The following CFAP20DC variants were observed in gnomAD, a reference collection of about 807,000 sequenced individuals.
The protein encoded by CFAP20DC is protein CFAP20DC.
A neutral mutation model predicts 101.7 loss-of-function variants in CFAP20DC; 84 were observed. That is an observed-to-expected ratio of 0.83 (90% confidence interval 0.69 to 0.99). CFAP20DC has a LOEUF of 0.99. CFAP20DC is among the 50% of genes least tolerant of loss of function. CFAP20DC has a pLI of 0.00. For missense variants in CFAP20DC, 1,007 were observed against 970.3 expected (o/e 1.04, Z -0.50); for synonymous variants, 359 against 351.2 (o/e 1.02, Z -0.25).
intron 6 of CFAP20DC, among the ~76,000 whole-genome samples, chr3:58,890,250 G>C (rs71311899): frequency 0.038 from 5,702 of 148,482 alleles, 171 homozygotes; most frequent in Middle Eastern, 0.096. Flanking sequence ...TTCCCAGTAG[G>C]GGCCGCCGGG....
chr3:58,862,070 G>T lies in CFAP20DC; in HGVS notation c.1593+1488C>A. Reference sequence around the variant, plus strand: ...TAAAGGCTTAGCCTTCCTATAGATGGAAGAGGTAAGTTCTTCATGTGGTGT... The same window carrying T: ...TAAAGGCTTAGCCTTCCTATAGATGTAAGAGGTAAGTTCTTCATGTGGTGT... On this transcript the variant is annotated intron_variant, in intron 12 of 16. Transcript: ENST00000482387. 3 of 973,354 alleles carry T rather than the reference G, an allele frequency of 3.1e-6. No individual in the cohort carries two copies. The South Asian group carries it at 1.4e-4, about 46-fold the overall frequency. The allele number at this position is 973,354 out of a possible 1,614,324, so 60.3% of individuals were successfully genotyped here.
intron 12 of CFAP20DC, among the ~76,000 whole-genome samples, chr3:58,857,793 G>A (rs1357866728): frequency 6.6e-6 from 1 of 152,204 alleles, no homozygotes; most frequent in African/African-American, 2.4e-5. Context: ...ATTAAAAAAA[G>A]TACAGTATTT....
intron 4 of CFAP20DC, among the ~76,000 whole-genome samples, chr3:58,959,478 T>C (rs1369758792): frequency 2.0e-5 from 3 of 152,206 alleles, no homozygotes; most frequent in Non-Finnish European, 4.4e-5. Flanking sequence ...GTTTTATATA[T>C]GTGACTATCC....
chr3:58,893,525 T>C (rs532213224), intron 6 of CFAP20DC, among the ~76,000 whole-genome samples: 2 of 152,362 alleles, frequency 1.3e-5, no homozygotes, highest in South Asian at 2.1e-4. Context: ...GATAAGCTGC[T>C]GGATTTGGTT....
At chr3:58,846,796 G>C (rs1449170174) in intron 13 of CFAP20DC, among the ~76,000 whole-genome samples, 1 of 145,894 alleles carries the variant, frequency 6.9e-6, no homozygotes, top group Non-Finnish European at 1.5e-5. Flanking sequence ...AAAACAGCAT[G>C]GTACTGGTAC....
At chr3:58,816,945 G>A (rs184598660) in intron 14 of CFAP20DC, among the ~76,000 whole-genome samples, 5 of 152,198 alleles carry the variant, frequency 3.3e-5, no homozygotes, top group Non-Finnish European at 7.3e-5. Context: ...GGAGATCTGA[G>A]AACCAGCAGA....
intron 4 of CFAP20DC, among the ~76,000 whole-genome samples, chr3:59,013,429 C>T (rs986152894): frequency 6.6e-6 from 1 of 152,130 alleles, no homozygotes; most frequent in Non-Finnish European, 1.5e-5. Flanking sequence ...ATGTCTGCTA[C>T]TTGAAAGGAT....
At chr3:59,047,378 T>C (rs1416273355) in intron 1 of CFAP20DC, 124 bp from the exon 2 acceptor site, 5 of 628,384 alleles carry the variant, frequency 8.0e-6, no homozygotes, top group African/African-American at 7.3e-5. Flanking sequence ...ACATTCTCCC[T>C]GTTATTACTC....
chr3:58,918,246 GC>G (rs1428487700), intron 5 of CFAP20DC, among the ~76,000 whole-genome samples: 1 of 152,148 alleles, frequency 6.6e-6, no homozygotes, highest in Non-Finnish European at 1.5e-5. Flanking sequence ...GGGCTGGGAG[GC>G]AGTGGGAGAG....
chr3:58,993,210 G>A (rs2092998736), intron 4 of CFAP20DC, among the ~76,000 whole-genome samples: 1 of 152,116 alleles, frequency 6.6e-6, no homozygotes, highest in Non-Finnish European at 1.5e-5. Flanking sequence ...TTAATAGAAT[G>A]CTTCCTAAAA....
chr3:58,831,624 T>C (rs2076395130), intron 14 of CFAP20DC, 62 bp downstream of exon 14: 4 of 1,440,900 alleles, frequency 2.8e-6, no homozygotes, highest in South Asian at 2.4e-5. Context: ...AGCTGGGATT[T>C]GTTAGAAAAA....
rs756759335 is a variant in CFAP20DC at position 58,867,790 on chromosome 3, T to C, written c.1135+27A>G. On this transcript the variant is annotated intron_variant, in intron 10 of 16. Transcript: ENST00000482387. The stretch of plus-strand genomic sequence containing the variant: ...GATTGCCCTGAATAATATACAGATA[T>C]AAGATAGGATTGAAATAGTGCCATA... 1.9e-6 allele frequency: 3 copies of C among 1,612,984 alleles called. No individual in the cohort carries two copies. In the South Asian group the frequency reaches 3.3e-5, roughly 18 times the overall value.
chr3:58,942,010 C>T (rs2088675904), intron 4 of CFAP20DC, among the ~76,000 whole-genome samples: 1 of 152,176 alleles, frequency 6.6e-6, no homozygotes, highest in Non-Finnish European at 1.5e-5. Flanking sequence ...GCGTAGTTTA[C>T]TTTATCACAC....
chr3:58,923,829 ACT>A (rs1296403089), intron 5 of CFAP20DC, among the ~76,000 whole-genome samples: 2 of 151,754 alleles, frequency 1.3e-5, no homozygotes, highest in African/African-American at 4.8e-5. Context: ...TTCTTCTCTT[ACT>A]CTCTCTCTGC....
Position 58,766,680 on chromosome 3 carries a change from T to C in CFAP20DC, c.2238-12817A>G, listed in dbSNP as rs774372724. Among the ~76,000 whole-genome samples the C allele has an allele frequency of 5.9e-5, 9 of 152,220 alleles. No individual in the cohort carries two copies. The South Asian group carries it at 1.0e-3, about 18-fold the overall frequency. ...CTTTCCATAGACTAGTCTCTACGTA[T>C]TTTTCCAACCTCATGTGGTACAATG... On this transcript the variant is annotated intron_variant, in intron 15 of 16. Transcript: ENST00000482387.
chr3:58,949,981 G>A (rs1250036807), intron 4 of CFAP20DC, among the ~76,000 whole-genome samples: 2 of 152,176 alleles, frequency 1.3e-5, no homozygotes, highest in Admixed American at 6.5e-5. Context: ...GAGTCCAGTT[G>A]TCCCTGTTTG....
intron 16 of CFAP20DC, among the ~76,000 whole-genome samples, chr3:58,752,541 C>T (rs1448395626): frequency 6.6e-6 from 1 of 152,140 alleles, no homozygotes; most frequent in Non-Finnish European, 1.5e-5. Flanking sequence ...TCAAGGACCA[C>T]GCTCTCAGTT....
intron 4 of CFAP20DC, among the ~76,000 whole-genome samples, chr3:58,960,808 T>C (rs1469630712): frequency 1.3e-5 from 2 of 152,200 alleles, no homozygotes; most frequent in Admixed American, 6.5e-5. Flanking sequence ...AATACAATGG[T>C]AAATATAAAT....
At chr3:59,012,036 G>A (rs375471912) in intron 4 of CFAP20DC, among the ~76,000 whole-genome samples, 10 of 152,056 alleles carry the variant, frequency 6.6e-5, no homozygotes, top group East Asian at 1.9e-4. Context: ...CTGGCGCTTC[G>A]AAATAAAGCA....
Sources: allele counts gnomAD v4.1 joint callset (sites outside exome capture counted in the v4.1 genomes callset), GRCh38; gene constraint gnomAD v4.1.1; transcripts MANE v1.5; gene names NCBI Gene and HGNC (gene_info 2026-07-23, HGNC 2026-07-21).